The following CMTM8 variants were observed in gnomAD, a reference collection of about 807,000 sequenced individuals.
CMTM8 encodes the protein CKLF-like MARVEL transmembrane domain-containing protein 8.
Under a neutral mutation model 18.6 loss-of-function variants are expected in CMTM8, and 12 were observed. The ratio of observed to expected loss-of-function variants is 0.65; its 90% confidence interval spans 0.41 to 1.05. The LOEUF (loss-of-function observed/expected upper bound fraction) is 1.05. Among genes scored for constraint, CMTM8 ranks in the 50% least tolerant of loss-of-function variants. The pLI is 0.00. For missense variants in CMTM8, 217 were observed against 227.2 expected, an observed-to-expected ratio of 0.95 and a Z score of 0.29; for synonymous variants, 87 against 90.6, an observed-to-expected ratio of 0.96 and a Z score of 0.23.
At chr3:32,308,279 A>G (rs1695753874) in intron 1 of CMTM8, among the ~76,000 whole-genome samples, 1 of 152,242 alleles carries the variant, frequency 6.6e-6, no homozygotes, top group Non-Finnish European at 1.5e-5. Context: ...AGTGTGAGGG[A>G]TGCTAGTGAT....
At chr3:32,325,238 T>A (rs1409683715) in intron 1 of CMTM8, among the ~76,000 whole-genome samples, 1 of 152,196 alleles carries the variant, frequency 6.6e-6, no homozygotes. Flanking sequence ...TTTATGACCA[T>A]CCCCGGTGGG....
chr3:32,359,879 G>C (rs1696888998), intron 2 of CMTM8, among the ~76,000 whole-genome samples: 1 of 152,110 alleles, frequency 6.6e-6, no homozygotes, highest in Admixed American at 6.5e-5. Context: ...CTGAGGTTTG[G>C]AGTCTTGTGA....
chr3:32,350,524 A>ATTTTTT (rs35024397), intron 1 of CMTM8, among the ~76,000 whole-genome samples: 1 of 135,682 alleles, frequency 7.4e-6, no homozygotes, highest in Non-Finnish European at 1.5e-5. Flanking sequence ...GGCCCAGCTA[A>ATTTTTT]TTTTTTTTTT....
chr3:32,361,939 C>T (rs1448495497), intron 2 of CMTM8, among the ~76,000 whole-genome samples: 4 of 152,102 alleles, frequency 2.6e-5, no homozygotes, highest in Non-Finnish European at 5.9e-5. Flanking sequence ...CCTGAGGATT[C>T]GTCCTCTGTA....
intron 1 of CMTM8, among the ~76,000 whole-genome samples, chr3:32,339,273 G>T (rs1044679316): frequency 6.6e-6 from 1 of 152,150 alleles, no homozygotes; most frequent in African/African-American, 2.4e-5. Context: ...TTAGTTGATC[G>T]TAGAACGTGA....
chr3:32,362,041 C>CTTTTTTTT (rs1696941813), intron 2 of CMTM8, among the ~76,000 whole-genome samples: 1 of 11,698 alleles, frequency 8.5e-5, no homozygotes, highest in Non-Finnish European at 2.8e-4. Flanking sequence ...CTACTATTTT[C>CTTTTTTTT]TTTTCTTTTT....
intron 1 of CMTM8, among the ~76,000 whole-genome samples, chr3:32,272,063 C>T (rs1055985512): frequency 6.6e-6 from 1 of 152,088 alleles, no homozygotes; most frequent in African/African-American, 2.4e-5. Flanking sequence ...CTTTTTCTTC[C>T]TCATTCTTGA....
intron 1 of CMTM8, among the ~76,000 whole-genome samples, chr3:32,283,998 T>C (rs5012444): frequency 0.77 from 116,907 of 152,232 alleles, 45,115 homozygotes; most frequent in East Asian, 0.9. Context: ...CGCCTGTAAT[T>C]CCAGCACTTT....
intron 1 of CMTM8, among the ~76,000 whole-genome samples, chr3:32,244,407 A>G (rs1281185408): frequency 6.6e-6 from 1 of 152,202 alleles, no homozygotes; most frequent in Non-Finnish European, 1.5e-5. Flanking sequence ...GCTAGCCTTG[A>G]GCTCCTGGCC....
intron 1 of CMTM8, among the ~76,000 whole-genome samples, chr3:32,239,750 G>A (rs977657154): frequency 1.3e-5 from 2 of 152,180 alleles, no homozygotes; most frequent in East Asian, 1.9e-4. Flanking sequence ...GAAAACTCAC[G>A]TGATCTTCCC....
chr3:32,263,799 G>A (rs1222094052), intron 1 of CMTM8, among the ~76,000 whole-genome samples: 6 of 152,176 alleles, frequency 3.9e-5, no homozygotes, highest in African/African-American at 9.7e-5. Flanking sequence ...ACTACGTGAC[G>A]AATGCACAAG....
intron 1 of CMTM8, among the ~76,000 whole-genome samples, chr3:32,350,499 A>G (rs1696685565): frequency 1.3e-5 from 2 of 148,840 alleles, no homozygotes; most frequent in Admixed American, 1.4e-4. Context: ...CTGGGATTAC[A>G]GGTGCGTGCC....
intron 1 of CMTM8, among the ~76,000 whole-genome samples, chr3:32,298,438 C>CTTTT (rs75095552): frequency 7.2e-6 from 1 of 139,084 alleles, no homozygotes; most frequent in Admixed American, 7.2e-5. Context: ...ACATACCCCC[C>CTTTT]TTTTTTTTTT....
intron 1 of CMTM8, among the ~76,000 whole-genome samples, chr3:32,317,167 G>A (rs1468230647): frequency 6.6e-6 from 1 of 152,144 alleles, no homozygotes; most frequent in Non-Finnish European, 1.5e-5. Flanking sequence ...TGAAATCACA[G>A]TTGGTCGTAG....
intron 1 of CMTM8, among the ~76,000 whole-genome samples, chr3:32,345,161 T>A (rs976960708): frequency 6.6e-6 from 1 of 152,124 alleles, no homozygotes; most frequent in African/African-American, 2.4e-5. Flanking sequence ...CTGGGCAGCA[T>A]GGCAAGACCT....
chr3:32,321,319 C>T (rs574464612), intron 1 of CMTM8, among the ~76,000 whole-genome samples: 2 of 152,198 alleles, frequency 1.3e-5, no homozygotes, highest in South Asian at 4.2e-4. Context: ...GGAAGAGGGG[C>T]AGGAACGCAT....
chr3:32,244,357 A>AT (rs1701984195), intron 1 of CMTM8, among the ~76,000 whole-genome samples: 1 of 152,152 alleles, frequency 6.6e-6, no homozygotes, highest in South Asian at 2.1e-4. Flanking sequence ...TTCTCAGCTA[A>AT]TTTTTTGTTT....
At chr3:32,247,910 G>C (rs1239145035) in intron 1 of CMTM8, among the ~76,000 whole-genome samples, 1 of 152,124 alleles carries the variant, frequency 6.6e-6, no homozygotes, top group Non-Finnish European at 1.5e-5. Flanking sequence ...TAACAACCAA[G>C]TTACTTTCTA....
rs528363135 is a variant in CMTM8, at chr3:32,289,889, A to C, written c.147+50770A>C. On this transcript the variant is annotated intron_variant, in intron 1 of 3. Transcript: ENST00000307526. Reference sequence around the variant, plus strand: ...TGCACACCTGTAATCCCAGCACTTTAGGAGGCCGAGGCCGGTAGATTGCTC... The same window carrying C: ...TGCACACCTGTAATCCCAGCACTTTCGGAGGCCGAGGCCGGTAGATTGCTC... Among the ~76,000 whole-genome samples the C allele has an allele frequency of 2.0e-5, 3 of 152,240 alleles. No individual in the cohort carries two copies. The South Asian group carries it at 6.2e-4, about 32-fold the overall frequency.
Sources: gnomAD v4.1 joint callset for allele counts (sites outside exome capture counted in the v4.1 genomes callset) on GRCh38, gnomAD v4.1.1 for gene constraint, MANE v1.5 for transcripts, NCBI Gene and HGNC (gene_info 2026-07-23, HGNC 2026-07-21) for gene names.